The following SLC38A12 variants were observed in gnomAD, a reference collection of about 807,000 sequenced individuals.
SLC38A12 encodes the protein putative sodium-coupled neutral amino acid transporter 12.
At chr17:74,801,974 C>A in the SLC38A12 span, among the ~76,000 whole-genome samples, 52 of 152,210 alleles carry the variant, frequency 3.4e-4, no homozygotes, top group East Asian at 9.5e-3. Flanking sequence ...CAGCGTGAAC[C>A]CCCACCACCC....
the SLC38A12 span, among the ~76,000 whole-genome samples, chr17:74,826,880 G>A: frequency 0.3 from 45,094 of 152,028 alleles, 6,959 homozygotes; most frequent in East Asian, 0.44. Flanking sequence ...GGGGGTAGGC[G>A]GGGGCGTAAG....
At chr17:74,828,948 C>A in the SLC38A12 span, among the ~76,000 whole-genome samples, 1 of 152,122 alleles carries the variant, frequency 6.6e-6, no homozygotes, top group South Asian at 2.1e-4. Context: ...CAGGAAACCC[C>A]ACTGAGACAC....
the SLC38A12 span, chr17:74,836,473 G>T: frequency 1.2e-6 from 2 of 1,609,210 alleles, no homozygotes; most frequent in Admixed American, 1.7e-5. The surrounding 1 kb of genome is among the most constrained non-coding windows in gnomAD (Gnocchi z 4.2). Context: ...GGCATCACAG[G>T]GGCCTACGCG....
chr17:74,810,916 C>CAGAAA, the SLC38A12 span, among the ~76,000 whole-genome samples: 445 of 152,380 alleles, frequency 2.9e-3, 1 homozygote, highest in Non-Finnish European at 5.0e-3. Flanking sequence ...CTCTCTTTCT[C>CAGAAA]TGGCAGACGT....
chr17:74,837,425 T>A, the SLC38A12 span: 1 of 985,572 alleles, frequency 1.0e-6, no homozygotes, highest in Non-Finnish European at 1.2e-6. Context: ...AGCTTGTCTC[T>A]GAAAGGGACC....
At chr17:74,802,822 G>T in the SLC38A12 span, among the ~76,000 whole-genome samples, 1 of 152,110 alleles carries the variant, frequency 6.6e-6, no homozygotes, top group Non-Finnish European at 1.5e-5. Context: ...CATCTCCATT[G>T]TCTGTAAAAT....
At chr17:74,819,463 C>T in the SLC38A12 span, among the ~76,000 whole-genome samples, 14 of 152,358 alleles carry the variant, frequency 9.2e-5, no homozygotes, top group South Asian at 4.1e-4. Context: ...GAGAGCAGGA[C>T]GCATGGGGTC....
chr17:74,829,724 G>C, the SLC38A12 span, among the ~76,000 whole-genome samples: 9 of 152,116 alleles, frequency 5.9e-5, no homozygotes, highest in African/African-American at 1.9e-4. This position sits in a 1 kb window ranked among gnomAD's most constrained non-coding sequence, Gnocchi z 4.1. Flanking sequence ...AGCGGAGGTA[G>C]GGGCTCCTGG....
At chr17:74,836,059 ACT>A in the SLC38A12 span, 1 of 1,610,418 alleles carries the variant, frequency 6.2e-7, no homozygotes, top group African/African-American at 1.4e-5. The surrounding 1 kb of genome is among the most constrained non-coding windows in gnomAD (Gnocchi z 4.2). Flanking sequence ...ATGTGCCAGC[ACT>A]CTCTGCCATC....
chr17:74,809,617 G>A, the SLC38A12 span, among the ~76,000 whole-genome samples: 1 of 152,238 alleles, frequency 6.6e-6, no homozygotes, highest in Non-Finnish European at 1.5e-5. Context: ...CCTTCATGCC[G>A]CCTCTTTCCC....
the SLC38A12 span, chr17:74,777,395 C>G: frequency 2.5e-6 from 4 of 1,614,002 alleles, no homozygotes; most frequent in East Asian, 4.5e-5. Flanking sequence ...ACTTATAGAA[C>G]CTTTTGCTCA....
At chr17:74,797,650 G>A in the SLC38A12 span, among the ~76,000 whole-genome samples, 1 of 152,220 alleles carries the variant, frequency 6.6e-6, no homozygotes, top group African/African-American at 2.4e-5. Context: ...GTGAGGTTCT[G>A]CAGAACAGTA....
the SLC38A12 span, among the ~76,000 whole-genome samples, chr17:74,789,946 TG>T: frequency 0.039 from 4,422 of 113,046 alleles, 140 homozygotes; most frequent in African/African-American, 0.093. Context: ...CTTTCTTTTT[TG>T]TTTTTTTGTT....
chr17:74,777,637 G>A, the SLC38A12 span: 39 of 1,432,248 alleles, frequency 2.7e-5, no homozygotes, highest in South Asian at 1.5e-4. Flanking sequence ...TGTTAATCCC[G>A]GGCTGGGCAC....
chr17:74,799,055 C>T, the SLC38A12 span, among the ~76,000 whole-genome samples: 1 of 152,142 alleles, frequency 6.6e-6, no homozygotes, highest in Non-Finnish European at 1.5e-5. Flanking sequence ...GGGCACTGCC[C>T]AGCACCTTTG....
At chr17:74,839,380 G>A in the SLC38A12 span, 21 of 432,544 alleles carry the variant, frequency 4.9e-5, no homozygotes, top group African/African-American at 4.2e-4. Flanking sequence ...AGGGGCAGTG[G>A]CTGGCAGTGC....
chr17:74,824,232 A>G, the SLC38A12 span, among the ~76,000 whole-genome samples: 1 of 152,160 alleles, frequency 6.6e-6, no homozygotes, highest in East Asian at 1.9e-4. Context: ...CGCCGCCCCC[A>G]GCATCTACTC....
At chr17:74,835,811 A>AT in the SLC38A12 span, 6 of 1,495,616 alleles carry the variant, frequency 4.0e-6, no homozygotes, top group Non-Finnish European at 5.3e-6. Flanking sequence ...ATGAACATGC[A>AT]TTTAATGACT....
the SLC38A12 span, among the ~76,000 whole-genome samples, chr17:74,787,628 C>CAAAA: frequency 7.7e-6 from 1 of 129,342 alleles, no homozygotes; most frequent in Non-Finnish European, 1.6e-5. Flanking sequence ...GACTCCGTCT[C>CAAAA]AAAAAAAAAA....
Sources: allele counts gnomAD v4.1 joint callset (sites outside exome capture counted in the v4.1 genomes callset), GRCh38; gene constraint gnomAD v4.1.1; non-coding constraint Gnocchi (gnomAD v3.1); transcripts MANE v1.5; gene names NCBI Gene and HGNC (gene_info 2026-07-23, HGNC 2026-07-21).